The following PRLR variants were observed in gnomAD, a reference collection of about 807,000 sequenced individuals.
PRLR encodes the protein prolactin receptor.
A neutral mutation model predicts 40.2 loss-of-function variants in PRLR; 13 were observed. That is an observed-to-expected ratio of 0.32 (90% CI 0.21 to 0.51). PRLR has a LOEUF of 0.51. Among genes scored for constraint, PRLR ranks in the 20% least tolerant of loss-of-function variants. The probability of loss-of-function intolerance (pLI) is 0.97; values close to 1 mark genes in which losing one functional copy is unlikely to be tolerated. For synonymous variants in PRLR, 269 were observed against 278.7 expected, an observed-to-expected ratio of 0.97 and a Z score of 0.35; for missense variants, 656 against 747.3, an observed-to-expected ratio of 0.88 and a Z score of 1.42.
intron 1 of PRLR, among the ~76,000 whole-genome samples, chr5:35,173,072 T>C (rs562014278): frequency 1.1e-4 from 17 of 152,324 alleles, no homozygotes; most frequent in African/African-American, 4.1e-4. Flanking sequence ...GAAAAACTTG[T>C]CTGGTTGGCA....
chr5:35,094,222 C>G (rs1011529470), intron 2 of PRLR, among the ~76,000 whole-genome samples: 2 of 152,192 alleles, frequency 1.3e-5, no homozygotes, highest in Non-Finnish European at 2.9e-5. Flanking sequence ...CCACTTCTAA[C>G]AGTACAGATT....
In PRLR at chr5:35,060,072, T is replaced by G. The variant is rs1034873274; in HGVS notation, c.*5017A>C. The G allele has an allele frequency of 6.6e-6, 1 of 152,264 alleles. No homozygotes were observed. Among genetic ancestry groups the G allele is most frequent in the African/African-American group, 2.4e-5 (1 of 41,466 alleles). 9.4% of individuals were successfully genotyped at this position (152,264 alleles called of 1,614,324 possible). ...TGGGCATGGATTTATTAATGGCTTT[T>G]GAATTAACTAAATAATTAATGAACA... On this transcript the variant is annotated 3_prime_UTR_variant, in exon 10 of 10. Coordinates refer to ENST00000618457, the MANE Select transcript of PRLR (RefSeq NM_000949.7).
chr5:35,169,702 C>T (rs945742947), intron 1 of PRLR, among the ~76,000 whole-genome samples: 2 of 152,206 alleles, frequency 1.3e-5, no homozygotes, highest in Non-Finnish European at 2.9e-5. Context: ...CCAACACCCA[C>T]GAGGGTTAGC....
chr5:35,068,821 A>C lies in PRLR; in HGVS notation c.743T>G (p.Ile248Ser). Residue 248 changes from isoleucine to serine, a missense_variant, in exon 8 of 10, where the codon ATC becomes AGC. Around this residue, in one of 3 missense-constraint regions of PRLR, gnomAD observed 469 missense variants for 491.5 expected, o/e 0.95. Coordinates refer to ENST00000618457, the MANE Select transcript of PRLR (RefSeq NM_000949.7). ...CACTGCCCAGACAATAATCAAACAG[A>C]TGACAGCAGAAAGGACAGCCACAGA... Reference protein sequence around the residue: ...WISVAVLSAVICLIIVWAVAL... With the variant: ...WISVAVLSAVSCLIIVWAVAL... 6.4e-7 allele frequency: 1 copy of C among 1,553,830 alleles called. No homozygotes were observed. The highest frequency in any genetic ancestry group is 8.7e-7 in the Non-Finnish European group (1 of 1,148,660).
In PRLR at chr5:35,134,395, G is replaced by A. The variant is rs181163120; in HGVS notation, c.-105-16273C>T. ...GCTTTCTGGTCACTCTGGTGAATAA[G>A]GGCGGGGAGTGGGGGAGGGGGTTGG... On this transcript the variant is annotated intron_variant, in intron 1 of 9. Coordinates refer to ENST00000618457, the MANE Select transcript of PRLR (RefSeq NM_000949.7). Among the ~76,000 whole-genome samples the A allele has an allele frequency of 3.1e-4, 47 of 152,092 alleles. No individual in the cohort carries two copies. In the East Asian group the frequency reaches 8.6e-3, roughly 28 times the overall value.
At chr5:35,220,197 C>T (rs1330890638) in intron 1 of PRLR, among the ~76,000 whole-genome samples, 1 of 152,216 alleles carries the variant, frequency 6.6e-6, no homozygotes, top group Non-Finnish European at 1.5e-5. Context: ...ATGTTAGGCT[C>T]TCAAAGCACT....
At chr5:35,050,622 T>C (rs1768462816) in intron 8 of PRLR, among the ~76,000 whole-genome samples, 1 of 152,208 alleles carries the variant, frequency 6.6e-6, no homozygotes, top group African/African-American at 2.4e-5. Context: ...TCTGTTGTCA[T>C]GTTAGTAATT....
chr5:35,092,010 G>A (rs1462147303), intron 2 of PRLR, among the ~76,000 whole-genome samples: 3 of 152,118 alleles, frequency 2.0e-5, no homozygotes, highest in African/African-American at 4.8e-5. Context: ...GTCGAAGCAG[G>A]GCTCCATGCG....
At chr5:35,119,382 T>TCACA (rs1285946969) in intron 1 of PRLR, among the ~76,000 whole-genome samples, 4 of 139,916 alleles carry the variant, frequency 2.9e-5, no homozygotes, top group African/African-American at 1.3e-4. Context: ...TCTCTCTCTC[T>TCACA]CTCTCACACA....
intron 5 of PRLR, chr5:35,082,081 C>G (rs547168591): frequency 6.5e-6 from 1 of 152,780 alleles, no homozygotes; most frequent in African/African-American, 2.4e-5. Context: ...CTGTGGCACT[C>G]AGTGCTCCAC....
chr5:35,162,496 A>G (rs1774701268), intron 1 of PRLR, among the ~76,000 whole-genome samples: 1 of 152,254 alleles, frequency 6.6e-6, no homozygotes, highest in African/African-American at 2.4e-5. Flanking sequence ...AAGTAGCATA[A>G]GAATGAATTT....
chr5:35,143,295 T>G (rs1774075576), intron 1 of PRLR, among the ~76,000 whole-genome samples: 1 of 152,214 alleles, frequency 6.6e-6, no homozygotes, highest in South Asian at 2.1e-4. Context: ...TCAAAATACT[T>G]TATTTACAAA....
chr5:35,213,172 C>T (rs958136318), intron 1 of PRLR, among the ~76,000 whole-genome samples: 11 of 152,180 alleles, frequency 7.2e-5, no homozygotes, highest in African/African-American at 2.2e-4. Context: ...TCCTGATCAA[C>T]GACCACTTTG....
At chr5:35,091,996 C>T (rs1426711189) in intron 2 of PRLR, among the ~76,000 whole-genome samples, 4 of 152,116 alleles carry the variant, frequency 2.6e-5, no homozygotes, top group Non-Finnish European at 5.9e-5. Context: ...ATCTAGAGAG[C>T]TTTGTCGAAG....
At chr5:35,071,387 C>T (rs948027032) in intron 6 of PRLR, among the ~76,000 whole-genome samples, 4 of 152,180 alleles carry the variant, frequency 2.6e-5, no homozygotes, top group African/African-American at 9.6e-5. Flanking sequence ...TAAAGATATT[C>T]GGAAACATTG....
intron 1 of PRLR, among the ~76,000 whole-genome samples, chr5:35,128,266 A>G (rs1773535805): frequency 6.6e-6 from 1 of 150,674 alleles, no homozygotes; most frequent in Non-Finnish European, 1.5e-5. Flanking sequence ...CAAATACTAT[A>G]GCATCTTCTA....
At chr5:35,219,386 T>C (rs930004834) in intron 1 of PRLR, among the ~76,000 whole-genome samples, 23 of 152,182 alleles carry the variant, frequency 1.5e-4, no homozygotes, top group Non-Finnish European at 1.5e-5. Flanking sequence ...TCCTCATCTA[T>C]AAAATGATAA....
chr5:35,069,500 G>A (rs2112389750), intron 7 of PRLR, among the ~76,000 whole-genome samples: 2 of 152,244 alleles, frequency 1.3e-5, no homozygotes, highest in African/African-American at 4.8e-5. Flanking sequence ...GTGTGGTTTT[G>A]GAAAAGACTC....
downstream of PRLR, among the ~76,000 whole-genome samples, chr5:35,053,214 A>G (rs1470764537): frequency 6.6e-6 from 1 of 152,234 alleles, no homozygotes; most frequent in Non-Finnish European, 1.5e-5. Context: ...AAAGAGACAT[A>G]AGAGGTATAA....
Sources: allele counts gnomAD v4.1 joint callset (sites outside exome capture counted in the v4.1 genomes callset), GRCh38; gene constraint gnomAD v4.1.1; regional missense constraint gnomAD v4.1.1; transcripts MANE v1.5; gene names NCBI Gene and HGNC (gene_info 2026-07-23, HGNC 2026-07-21).